The following MLH3 variants were observed in gnomAD, a reference collection of about 807,000 sequenced individuals.
MLH3 encodes mutL homolog 3.
Under a neutral mutation model 122.2 loss-of-function variants are expected in MLH3, and 82 were observed. That is an observed-to-expected ratio of 0.67 (90% confidence interval 0.56 to 0.81). MLH3 has a LOEUF of 0.81. MLH3 is among the 30% of genes least tolerant of loss of function. The probability of loss-of-function intolerance (pLI) is 0.00; values close to 1 mark genes in which losing one functional copy is unlikely to be tolerated. For missense variants in MLH3, 1,539 were observed against 1,714.5 expected, an observed-to-expected ratio of 0.90 and a Z score of 1.81; for synonymous variants, 524 against 599.5, an observed-to-expected ratio of 0.87 and a Z score of 1.84.
Position 75,018,930 on chromosome 14 carries a change from T to A in MLH3, c.4141A>T (p.Ile1381Phe). 6.2e-7 allele frequency: 1 copy of A among 1,614,168 alleles called. No individual in the cohort carries two copies. The highest frequency in any genetic ancestry group is 8.5e-7 in the Non-Finnish European group (1 of 1,180,024). The change falls in exon 12 of 13, where the codon ATT becomes TTT. Residue 1381 changes from isoleucine to phenylalanine, a missense_variant. Coordinates refer to ENST00000355774, the MANE Select transcript of MLH3 (RefSeq NM_001040108.2). ...GLSLQESCRLIEALSSCQLPF... is the reference protein window; with the variant it reads ...GLSLQESCRLFEALSSCQLPF... ...AGCTGGCATGAGGACAGAGCTTCAA[T>A]AAGGCGGCAACTTTCCTGTAAGCTC...
chr14:75,050,194 A>G (rs541160571), intron 1 of MLH3, among the ~76,000 whole-genome samples: 2 of 152,340 alleles, frequency 1.3e-5, no homozygotes, highest in African/African-American at 4.8e-5. Context: ...AGGTGAAGCA[A>G]TAGGAAGAAA....
chr14:75,048,181 A>G lies in MLH3; in HGVS notation c.1475T>C (p.Leu492Pro). 1 of 1,613,818 alleles carries G rather than the reference A, an allele frequency of 6.2e-7. No individual in the cohort carries two copies. The highest frequency in any genetic ancestry group is 8.5e-7 in the Non-Finnish European group (1 of 1,179,940). ...GENEKHKKSF[L>P]EHSSLENPCG... ...CGGATTTTCTAAAGAGCTATGTTCC[A>G]GGAAAGATTTTTTATGTTTCTCATT... is the stretch of plus-strand genomic sequence containing the variant. The change falls in exon 2 of 13, where the codon CTG (leucine) becomes CCG (proline). Residue 492 changes from leucine (L) to proline (P), a missense_variant. Coordinates refer to ENST00000355774, the MANE Select transcript of MLH3 (RefSeq NM_001040108.2).
chr14:75,046,519 C>T lies in MLH3; in HGVS notation c.3137G>A (p.Arg1046Gln), dbSNP rs201303087. ...TCTTCCCAGGGCTACATCGAAATGC[C>T]GCTGCCAATCTGAACAACACGTGTT... ...ESNTCCSDWQ[R>Q]HFDVALGRMV... Residue 1046 changes from arginine (R) to glutamine (Q), a missense_variant, in exon 2 of 13, where the codon CGG becomes CAG. Physicochemically the swap from Arg to Gln is conservative, Grantham distance 43. Coordinates refer to ENST00000355774, the MANE Select transcript of MLH3 (RefSeq NM_001040108.2). 254 of 1,614,170 alleles carry T rather than the reference C, an allele frequency of 1.6e-4. 1 individual carries two copies. Among genetic ancestry groups the T allele is most frequent in the Middle Eastern group, 1.3e-3 (8 of 6,062 alleles).
chr14:75,049,010 C>G lies in MLH3; in HGVS notation c.646G>C (p.Gly216Arg). The change falls in exon 2 of 13, where the codon GGA becomes CGA. Residue 216 changes from glycine (G) to arginine (R), a missense_variant. By Grantham distance (125) the Gly-to-Arg change is moderately radical. Coordinates refer to ENST00000355774, the MANE Select transcript of MLH3 (RefSeq NM_001040108.2). Reference sequence around the variant, plus strand: ...CTTAGCTTTTGGGACTTTCCCAATCCATAAATTTGACAAAATCGGGAACAT... The same window carrying G: ...CTTAGCTTTTGGGACTTTCCCAATCGATAAATTTGACAAAATCGGGAACAT... Reference protein sequence around the residue: ...DVCSRFCQIYGLGKSQKLREI... With the variant: ...DVCSRFCQIYRLGKSQKLREI... 6.2e-7 allele frequency: 1 copy of G among 1,614,044 alleles called. No individual in the cohort carries two copies. The highest frequency in any genetic ancestry group is 8.5e-7 in the Non-Finnish European group (1 of 1,180,014).
Position 75,047,767 on chromosome 14 carries a change from T to A in MLH3, c.1889A>T (p.Tyr630Phe). ...GGCACGTGTGGGACCAGGTCTAACA[T>A]AATTTTTAAATGAATGTTCTGTTTC... The part of the protein sequence containing the change: ...STETEHSFKN[Y>F]VRPGPTRAQE... The change falls in exon 2 of 13, where the codon TAT becomes TTT. Residue 630 changes from tyrosine to phenylalanine, a missense_variant. Tyr to Phe is a conservative substitution (Grantham distance 22). Coordinates refer to ENST00000355774, the MANE Select transcript of MLH3 (RefSeq NM_001040108.2). 6.2e-7 allele frequency: 1 copy of A among 1,614,148 alleles called. No individual in the cohort carries two copies. The highest frequency in any genetic ancestry group is 2.2e-5 in the East Asian group (1 of 44,880).
chr14:75,030,640 G>T lies in MLH3; in HGVS notation c.3890C>A (p.Ser1297Tyr), dbSNP rs1356242542. The T allele has an allele frequency of 6.2e-7, 1 of 1,613,650 alleles. No homozygotes were observed. Among genetic ancestry groups the T allele is most frequent in the Non-Finnish European group, 8.5e-7 (1 of 1,179,742 alleles). The change falls in exon 9 of 13, where the codon TCT (serine) becomes TAT (tyrosine). Residue 1297 changes from serine to tyrosine, a missense_variant. Transcript: ENST00000355774. ...LEFVFPDTSD[S>Y]LVLVGKVPLC... The stretch of plus-strand genomic sequence containing the variant: ...TGGTACTTTTCCCACAAGGACCAGA[G>T]AATCACTAGTGTCTGGAAATACAAA...
intron 9 of MLH3, among the ~76,000 whole-genome samples, chr14:75,027,652 G>A (rs1198882299): frequency 2.2e-5 from 2 of 92,432 alleles, no homozygotes; most frequent in Non-Finnish European, 2.0e-5. Context: ...TCTTGTAAGA[G>A]ATTTACTTCA....
chr14:75,019,713 T>G (rs1890149484), intron 11 of MLH3, among the ~76,000 whole-genome samples: 1 of 152,180 alleles, frequency 6.6e-6, no homozygotes, highest in Admixed American at 6.5e-5. Context: ...TTTTATTTGC[T>G]TCTTTTTTTC....
intron 8 of MLH3, among the ~76,000 whole-genome samples, chr14:75,031,628 A>G (rs1296924955): frequency 2.0e-5 from 3 of 152,198 alleles, no homozygotes; most frequent in Non-Finnish European, 4.4e-5. Flanking sequence ...CCTGGGTAAC[A>G]TGGCGAAAAC....
At chr14:75,039,879 A>ATT (rs1555343666) in intron 5 of MLH3, 32 bp downstream of exon 5, 6 of 499,654 alleles carry the variant, frequency 1.2e-5, no homozygotes, top group African/African-American at 1.2e-4. Flanking sequence ...ATATATATAT[A>ATT]TATTTATGAG....
At chr14:75,028,900 G>C (rs1202946339) in intron 9 of MLH3, among the ~76,000 whole-genome samples, 1 of 151,498 alleles carries the variant, frequency 6.6e-6, no homozygotes, top group African/African-American at 2.4e-5. Context: ...TGTAATCCCA[G>C]CACTTTGGGA....
In MLH3 at chr14:75,018,828, C is replaced by T. The variant is rs2139295690; in HGVS notation, c.4242+1G>A. ...CCTGCTCCTGTTAGTCATTAATGTA[C>T]CTGTTTTTCCTGTTCCAAGTGGTCT... On this transcript the variant is annotated splice_donor_variant, in intron 12 of 12. Coordinates refer to ENST00000355774, the MANE Select transcript of MLH3 (RefSeq NM_001040108.2). LOFTEE classifies it high-confidence loss of function. 6.2e-7 allele frequency: 1 copy of T among 1,614,140 alleles called. No individual in the cohort carries two copies. The highest frequency in any genetic ancestry group is 8.5e-7 in the Non-Finnish European group (1 of 1,179,992).
chr14:75,031,078 A>G (rs751248469), intron 8 of MLH3, among the ~76,000 whole-genome samples: 1 of 152,220 alleles, frequency 6.6e-6, no homozygotes, highest in Non-Finnish European at 1.5e-5. Context: ...TAACAGCCCA[A>G]GGAATTGAGA....
At position 75,016,592 on chromosome 14, in the gene MLH3, A is replaced by G. The variant is rs1462492840; in HGVS notation, c.*490T>C. The G allele has an allele frequency of 1.4e-5, 3 of 219,192 alleles. No homozygotes were observed. Among genetic ancestry groups the G allele is most frequent in the African/African-American group, 6.9e-5 (3 of 43,520 alleles). 13.6% of individuals were successfully genotyped at this position (219,192 alleles called of 1,614,324 possible). A position where few individuals can be genotyped will look rare whatever the true frequency, so the allele number is the denominator to read the frequency against. ...TCTGAGATGTAGCACATGAAGCAGC[A>G]GCATAGGGAAGTGAAGAAGACTGAA... On this transcript the variant is annotated 3_prime_UTR_variant, in exon 13 of 13. Coordinates refer to ENST00000355774, the MANE Select transcript of MLH3 (RefSeq NM_001040108.2).
At position 75,023,053 on chromosome 14, in the gene MLH3, G is replaced by A. The variant is rs45622433; in HGVS notation, c.3988-35C>T. ...AAAAGGAAAATCGGCTTTAATCTAC[G>A]GTTATGTTTTACTTGCCCTTTGATA... On this transcript the variant is annotated intron_variant, in intron 9 of 12. Transcript: ENST00000355774. The A allele has an allele frequency of 9.0e-3, 14,484 of 1,612,660 alleles. 102 individuals are homozygous for A. The highest frequency in any genetic ancestry group is 8.5e-3 in the Non-Finnish European group (10,060 of 1,178,686).
rs146782444 is a variant in MLH3 at position 75,028,874 on chromosome 14, C to T, written c.3987+1669G>A. 6.4e-3 allele frequency among the ~76,000 whole-genome samples: 964 copies of T among 151,392 alleles called. 5 individuals carry two copies. Among genetic ancestry groups the T allele is most frequent in the African/African-American group, 0.022 (924 of 41,334 alleles). ...TAGAGAAAAGAAAATGTTGGCCAGG[C>T]GTAGTGGCTCATGCCTGTAATCCCA... is the stretch of plus-strand genomic sequence containing the variant. On this transcript the variant is annotated intron_variant, in intron 9 of 12. Transcript: ENST00000355774.
intron 9 of MLH3, among the ~76,000 whole-genome samples, chr14:75,024,300 C>T (rs184933277): frequency 5.3e-4 from 79 of 149,952 alleles, no homozygotes; most frequent in Admixed American, 1.2e-3. Flanking sequence ...CTTCTGGGTT[C>T]AAGCGATTCT....
chr14:75,022,675 A>C, intron 11 of MLH3, 139 bp downstream of exon 11: 1 of 855,180 alleles, frequency 1.2e-6, no homozygotes, highest in Non-Finnish European at 2.0e-6. Context: ...TTAAAAGGGT[A>C]TATTCAGTTT....
rs748000153 is a variant in MLH3, at chr14:75,048,257, C to T, written c.1399G>A (p.Glu467Lys). ...SLQNKDSSCS[E>K]SKMLEQETIV... is the part of the protein sequence containing the mutation. ...GTCTCTTGTTCTAACATCTTTGATTCTGAGCAAGAGCTGTCTTTGTTTTGT... is the reference window on the plus strand; with the variant it reads ...GTCTCTTGTTCTAACATCTTTGATTTTGAGCAAGAGCTGTCTTTGTTTTGT... Residue 467 changes from glutamate (E) to lysine (K), a missense_variant, in exon 2 of 13, where the codon GAA (glutamate) becomes AAA (lysine). Glu to Lys is a moderately conservative substitution (Grantham distance 56, BLOSUM62 1). Coordinates refer to ENST00000355774, the MANE Select transcript of MLH3 (RefSeq NM_001040108.2). The T allele has an allele frequency of 1.9e-6, 3 of 1,613,952 alleles. No homozygotes were observed. The highest frequency in any genetic ancestry group is 2.5e-6 in the Non-Finnish European group (3 of 1,179,962).
Sources: allele counts gnomAD v4.1 joint callset (sites outside exome capture counted in the v4.1 genomes callset), GRCh38; gene constraint gnomAD v4.1.1; transcripts MANE v1.5; gene names NCBI Gene and HGNC (gene_info 2026-07-23, HGNC 2026-07-21).